GNL2: variants seen among roughly 807,000 people sequenced by gnomAD.
GNL2 encodes the protein G protein nucleolar 2.
Under a neutral mutation model 92.3 loss-of-function variants are expected in GNL2, and 51 were observed. The ratio of observed to expected loss-of-function variants is 0.55; its 90% CI spans 0.44 to 0.70. The LOEUF (loss-of-function observed/expected upper bound fraction) is 0.70. Ranked by LOEUF, GNL2 falls within the 30% of genes least tolerant of loss-of-function variation. The pLI, the probability that GNL2 is intolerant of heterozygous loss-of-function variation, is 0.00. For synonymous variants in GNL2, 283 were observed against 300.6 expected, an observed-to-expected ratio of 0.94 and a Z score of 0.61; for missense variants, 844 against 895.6, an observed-to-expected ratio of 0.94 and a Z score of 0.74.
At chr1:37,578,988 G>A (rs183759925) in intron 8 of GNL2, among the ~76,000 whole-genome samples, 6 of 152,134 alleles carry the variant, frequency 3.9e-5, no homozygotes, top group African/African-American at 9.6e-5. Context: ...GACAGAACAA[G>A]ACCCTGTCTC....
chr1:37,589,884 C>A (rs115572632), intron 4 of GNL2, among the ~76,000 whole-genome samples: 1 of 152,176 alleles, frequency 6.6e-6, no homozygotes, highest in African/African-American at 2.4e-5. Flanking sequence ...AAAAGCTGAA[C>A]GTACGCAACA....
chr1:37,584,782 A>C (rs1643826338), intron 5 of GNL2, among the ~76,000 whole-genome samples: 1 of 152,004 alleles, frequency 6.6e-6, no homozygotes, highest in African/African-American at 2.4e-5. Context: ...TAAACTGTAC[A>C]CTTGAAAATG....
In GNL2 at chr1:37,569,038, TCTCAAGCTCTTC is replaced by T; in HGVS notation, c.1669_1680del (p.Glu557_Glu560del). The T allele has an allele frequency of 6.2e-7, 1 of 1,614,166 alleles. No homozygotes were observed. Among genetic ancestry groups the T allele is most frequent in the Non-Finnish European group, 8.5e-7 (1 of 1,180,028 alleles). ...TCCTCCTCCTCTTCATCAGAAAAGC[TCTCAAGCTCTTC>T]CTCAAGATCTGACACCTCCACAGGA... On this transcript the variant is annotated inframe_deletion, in exon 13 of 16. Coordinates refer to ENST00000373062, the MANE Select transcript of GNL2 (RefSeq NM_013285.3).
At chr1:37,594,336 G>T (rs186069677) in intron 1 of GNL2, among the ~76,000 whole-genome samples, 25 of 152,244 alleles carry the variant, frequency 1.6e-4, no homozygotes, top group Non-Finnish European at 2.5e-4. Context: ...AACAAATATT[G>T]AGTGCCTGCT....
intron 2 of GNL2, among the ~76,000 whole-genome samples, chr1:37,593,034 C>A (rs1011000375): frequency 1.3e-5 from 2 of 152,030 alleles, no homozygotes; most frequent in Non-Finnish European, 2.9e-5. Context: ...AGATGAATAA[C>A]AACTAATGGT....
chr1:37,588,277 T>TA lies in GNL2; in HGVS notation c.385-783dup, dbSNP rs904399553. On this transcript the variant is annotated intron_variant, in intron 4 of 15. Transcript: ENST00000373062. The stretch of plus-strand genomic sequence containing the variant: ...GGAATGTTAACAGCCTGCAGACAAT[T>TA]AAAAAAAAAAAAATCACCCTTTTCC... 1.8e-3 allele frequency among the ~76,000 whole-genome samples: 256 copies of TA among 143,784 alleles called. 1 individual carries two copies. Among genetic ancestry groups the TA allele is most frequent in the East Asian group, 5.4e-3 (27 of 4,998 alleles). The allele number at this position is 143,784 out of a possible 152,430, so 94.3% of individuals were successfully genotyped here. A position where few individuals can be genotyped will look rare whatever the true frequency, so the allele number is the denominator to read the frequency against.
intron 1 of GNL2, among the ~76,000 whole-genome samples, chr1:37,594,913 G>T (rs190664212): frequency 1.2e-4 from 19 of 152,316 alleles, no homozygotes; most frequent in Admixed American, 1.0e-3. Context: ...CAGCCCATTG[G>T]CTCTCCTAAC....
rs547805896 is a variant in GNL2 at position 37,595,689 on chromosome 1, C to T, written c.64+70G>A. Reference sequence around the variant, plus strand: ...CCACTCGAGTAACCCTCCTTCCCCTCCAGTGCTCCTCGGAGCCCTTCCCTA... The same window carrying T: ...CCACTCGAGTAACCCTCCTTCCCCTTCAGTGCTCCTCGGAGCCCTTCCCTA... On this transcript the variant is annotated intron_variant, in intron 1 of 15. Transcript: ENST00000373062. The T allele has an allele frequency of 3.7e-5, 48 of 1,307,068 alleles. 1 individual carries two copies. The highest frequency in any genetic ancestry group is 2.7e-4 in the South Asian group (23 of 84,054). The allele number at this position is 1,307,068 out of a possible 1,614,324, so 81.0% of individuals were successfully genotyped here.
In GNL2 at chr1:37,582,884, A is replaced by G. The variant is rs1643794313; in HGVS notation, c.689T>C (p.Met230Thr). The G allele has an allele frequency of 6.2e-7, 1 of 1,612,192 alleles. No individual in the cohort carries two copies. The highest frequency in any genetic ancestry group is 1.1e-5 in the South Asian group (1 of 91,024). Residue 230 changes from methionine (M) to threonine (T), a missense_variant, in exon 7 of 16, where the codon ATG (methionine) becomes ACG (threonine). Physicochemically the swap from Met to Thr is moderately conservative, Grantham distance 81. Transcript: ENST00000373062. ...TTCAATGTGAGGGGAACGAGTACCC[A>G]TTGGATCTCTAGCATCAAGAACTTG... Reference protein sequence around the residue: ...VVQVLDARDPMGTRSPHIETY... With the variant: ...VVQVLDARDPTGTRSPHIETY...
In GNL2 at chr1:37,582,297, G is replaced by C; in HGVS notation, c.835C>G (p.Leu279Val). 6.2e-7 allele frequency: 1 copy of C among 1,613,602 alleles called. No individual in the cohort carries two copies. The highest frequency in any genetic ancestry group is 1.3e-5 in the African/African-American group (1 of 75,032). Residue 279 changes from leucine (L) to valine (V), a missense_variant, in exon 8 of 16, where the codon CTT becomes GTT. Coordinates refer to ENST00000373062, the MANE Select transcript of GNL2 (RefSeq NM_013285.3). ...VAVLSQDYPT[L>V]AFHASLTNPF... Reference sequence around the variant, plus strand: ...TTAGTAAGGCTTGCATGGAAAGCAAGTGTTGGATAATCCTGGGAGAGGACA... The same window carrying C: ...TTAGTAAGGCTTGCATGGAAAGCAACTGTTGGATAATCCTGGGAGAGGACA...
chr1:37,581,786 TCC>T (rs1291871896), intron 8 of GNL2, among the ~76,000 whole-genome samples: 1 of 152,124 alleles, frequency 6.6e-6, no homozygotes, highest in African/African-American at 2.4e-5. Context: ...TGCCTCAGTC[TCC>T]CCAGTAGCTG....
In GNL2 at chr1:37,569,273, G is replaced by A; in HGVS notation, c.1446C>T (p.Val482=). ...QLLPSSSLEV[V]PEAAQNNPGE... is the part of the protein sequence containing the mutation. Reference sequence around the variant, plus strand: ...CTGGATTGTTCTGGGCTGCTTCTGGGACAACTTCCAAAGATGAGGAGGGTA... The same window carrying A: ...CTGGATTGTTCTGGGCTGCTTCTGGAACAACTTCCAAAGATGAGGAGGGTA... The change falls in exon 13 of 16, where the codon GTC becomes GTT. Residue 482 remains valine (V), a synonymous_variant. Coordinates refer to ENST00000373062, the MANE Select transcript of GNL2 (RefSeq NM_013285.3). 1 of 1,612,010 alleles carries A rather than the reference G, an allele frequency of 6.2e-7. No homozygotes were observed. Among genetic ancestry groups the A allele is most frequent in the Non-Finnish European group, 8.5e-7 (1 of 1,179,724 alleles).
rs1006013858 is a variant in GNL2, at chr1:37,590,688, G to C, written c.384+18C>G. 2.5e-6 allele frequency: 4 copies of C among 1,605,844 alleles called. No individual in the cohort carries two copies. Among genetic ancestry groups the C allele is most frequent in the Non-Finnish European group, 2.6e-6 (3 of 1,172,876 alleles). ...TTTGCCCAGGAAATTCCATCACCAG[G>C]GATATCCTACATCTTACATGAGGCC... On this transcript the variant is annotated intron_variant, in intron 4 of 15. Transcript: ENST00000373062.
chr1:37,593,889 C>T, intron 1 of GNL2, 43 bp from the exon 2 acceptor site: 1 of 1,395,796 alleles, frequency 7.2e-7, no homozygotes, highest in Non-Finnish European at 1.0e-6. Flanking sequence ...TGATAACCAA[C>T]CAGTATAACC....
intron 1 of GNL2, among the ~76,000 whole-genome samples, chr1:37,594,397 TCTTA>T (rs1481861761): frequency 6.6e-6 from 1 of 152,224 alleles, no homozygotes; most frequent in East Asian, 1.9e-4. Context: ...GTTCTTACTT[TCTTA>T]ATGTTTGATT....
At chr1:37,568,742 G>A (rs1371686704) in intron 13 of GNL2, 109 bp downstream of exon 13, 15 of 806,848 alleles carry the variant, frequency 1.9e-5, no homozygotes, top group Middle Eastern at 3.6e-4. Context: ...AAACCCAACC[G>A]AACAAACAAA....
chr1:37,580,430 TTAA>T (rs1172478507), intron 8 of GNL2, among the ~76,000 whole-genome samples: 8 of 152,194 alleles, frequency 5.3e-5, no homozygotes, highest in African/African-American at 1.9e-4. Flanking sequence ...AATAAAGATC[TTAA>T]TAAAGATATT....
chr1:37,585,167 C>T (rs1184128022), intron 5 of GNL2, among the ~76,000 whole-genome samples: 1 of 150,718 alleles, frequency 6.6e-6, no homozygotes, highest in Non-Finnish European at 1.5e-5. Flanking sequence ...TAAGCGATTC[C>T]CCAGCCTCAG....
At chr1:37,576,158 A>C (rs1241033857) in intron 9 of GNL2, 2 of 358,784 alleles carry the variant, frequency 5.6e-6, no homozygotes, top group Non-Finnish European at 1.0e-5. Context: ...TTATCAAAAT[A>C]AAAGGCTGGA....
Sources: gnomAD v4.1 joint callset for allele counts (sites outside exome capture counted in the v4.1 genomes callset) on GRCh38, gnomAD v4.1.1 for gene constraint, MANE v1.5 for transcripts, NCBI Gene and HGNC (gene_info 2026-07-23, HGNC 2026-07-21) for gene names.